Variants in ALK observed in about 807,000 individuals in gnomAD.
The protein encoded by ALK is ALK tyrosine kinase receptor.
A neutral mutation model predicts 163.1 loss-of-function variants in ALK; 74 were observed. The observed-to-expected ratio is 0.45, with a 90% CI of 0.38 to 0.55. The LOEUF is 0.55. Among genes scored for constraint, ALK ranks in the 20% least tolerant of loss-of-function variants. ALK has a pLI of 0.00. For synonymous variants in ALK, 960 were observed against 843.2 expected (o/e 1.14, Z -2.40); for missense variants, 2,063 against 2,105.3 (o/e 0.98, Z 0.39).
At chr2:29,387,591 G>A (rs1669061999) in intron 4 of ALK, among the ~76,000 whole-genome samples, 1 of 152,166 alleles carries the variant, frequency 6.6e-6, no homozygotes, top group Non-Finnish European at 1.5e-5. Flanking sequence ...TTAGCAAAAT[G>A]CAGGCATTGA....
At chr2:29,911,187 C>G (rs1163880758) in intron 1 of ALK, among the ~76,000 whole-genome samples, 1 of 152,224 alleles carries the variant, frequency 6.6e-6, no homozygotes, top group East Asian at 1.9e-4. Context: ...CCAAAGCAAT[C>G]TTTTCTTTCT....
intron 3 of ALK, among the ~76,000 whole-genome samples, chr2:29,612,591 C>G (rs565897269): frequency 9.6e-4 from 146 of 152,280 alleles, no homozygotes; most frequent in African/African-American, 3.5e-3. Flanking sequence ...AATCAATGCT[C>G]CCGAATTCCC....
At chr2:29,225,975 G>A (rs931629665) in intron 18 of ALK, among the ~76,000 whole-genome samples, 1 of 152,132 alleles carries the variant, frequency 6.6e-6, no homozygotes, top group Non-Finnish European at 1.5e-5. Flanking sequence ...GAGGCACTGG[G>A]CTCACAGTGG....
chr2:29,470,682 TG>T (rs1671326838), intron 4 of ALK, among the ~76,000 whole-genome samples: 6 of 60,478 alleles, frequency 9.9e-5, no homozygotes, highest in Admixed American at 7.8e-4. Context: ...ACAAAACAGC[TG>T]AATTTTTTTT....
intron 3 of ALK, among the ~76,000 whole-genome samples, chr2:29,553,952 A>T (rs541735872): frequency 7.2e-5 from 11 of 152,290 alleles, no homozygotes; most frequent in Admixed American, 5.2e-4. Context: ...GCTCTTAATT[A>T]ACCCTTTATC....
intron 1 of ALK, among the ~76,000 whole-genome samples, chr2:29,798,962 A>G (rs1664393857): frequency 6.6e-6 from 1 of 152,176 alleles, no homozygotes; most frequent in African/African-American, 2.4e-5. Context: ...GAGAACTTGG[A>G]TATGCCATTG....
At chr2:29,450,014 A>T (rs1458714294) in intron 4 of ALK, among the ~76,000 whole-genome samples, 1 of 152,180 alleles carries the variant, frequency 6.6e-6, no homozygotes, top group Non-Finnish European at 1.5e-5. Context: ...ACAAAGTGTC[A>T]AAGTTGGAAG....
intron 3 of ALK, among the ~76,000 whole-genome samples, chr2:29,578,847 T>G (rs973971399): frequency 6.6e-5 from 10 of 152,228 alleles, no homozygotes; most frequent in Non-Finnish European, 1.2e-4. Flanking sequence ...AGCCTGGGAC[T>G]GCATCTACCC....
At chr2:29,288,487 G>T (rs948096068) in intron 9 of ALK, among the ~76,000 whole-genome samples, 1 of 152,140 alleles carries the variant, frequency 6.6e-6, no homozygotes, top group Non-Finnish European at 1.5e-5. Context: ...ACCTCTTCAC[G>T]GCTGACAGGG....
chr2:29,526,501 T>C (rs1672963622), intron 4 of ALK, among the ~76,000 whole-genome samples: 1 of 152,194 alleles, frequency 6.6e-6, no homozygotes, highest in Non-Finnish European at 1.5e-5. Context: ...GTAAATCACC[T>C]AGACATTAAA....
chr2:29,284,284 G>A (rs1665791004), intron 9 of ALK, among the ~76,000 whole-genome samples: 1 of 152,090 alleles, frequency 6.6e-6, no homozygotes, highest in South Asian at 2.1e-4. Context: ...AGAGGTAAGG[G>A]TGGAAGTTAT....
intron 4 of ALK, among the ~76,000 whole-genome samples, chr2:29,476,655 C>A (rs1000390358): frequency 1.3e-5 from 2 of 152,004 alleles, no homozygotes; most frequent in East Asian, 3.9e-4. Context: ...TGTGCTTCCC[C>A]GACAAGGCAC....
At chr2:29,744,408 T>C (rs1483339945) in intron 1 of ALK, among the ~76,000 whole-genome samples, 1 of 152,126 alleles carries the variant, frequency 6.6e-6, no homozygotes, top group East Asian at 1.9e-4. Context: ...CTTAAAACAA[T>C]GACAGCATTT....
intron 9 of ALK, among the ~76,000 whole-genome samples, chr2:29,290,617 G>T (rs906074374): frequency 6.6e-6 from 1 of 152,234 alleles, no homozygotes; most frequent in African/African-American, 2.4e-5. Flanking sequence ...TGTGGCTGGG[G>T]TCTCCTGTTG....
chr2:29,335,600 C>T (rs541633686), intron 5 of ALK, among the ~76,000 whole-genome samples: 3 of 152,254 alleles, frequency 2.0e-5, no homozygotes, highest in African/African-American at 4.8e-5. Context: ...GATCCGAGCT[C>T]GAGTTCCTCT....
intron 3 of ALK, among the ~76,000 whole-genome samples, chr2:29,592,462 G>A (rs1211718083): frequency 6.6e-6 from 1 of 152,162 alleles, no homozygotes; most frequent in African/African-American, 2.4e-5. Flanking sequence ...AGCTCTTGGG[G>A]CACAAACTTG....
chr2:29,635,535 T>C (rs917155480), intron 3 of ALK, among the ~76,000 whole-genome samples: 5 of 152,192 alleles, frequency 3.3e-5, no homozygotes, highest in African/African-American at 7.2e-5. Context: ...CCCGAGAGCC[T>C]CTTGAGGGAG....
chr2:29,518,764 G>T (rs1558363379), intron 4 of ALK, among the ~76,000 whole-genome samples: 1 of 152,166 alleles, frequency 6.6e-6, no homozygotes, highest in South Asian at 2.1e-4. Context: ...TATCCTCAAA[G>T]GGAAGACAGA....
intron 1 of ALK, among the ~76,000 whole-genome samples, chr2:29,877,376 A>C (rs1422186455): frequency 6.6e-6 from 1 of 152,110 alleles, no homozygotes; most frequent in Non-Finnish European, 1.5e-5. Context: ...GTAAATGAGC[A>C]CCACTGTCCT....
Sources: gnomAD v4.1 joint callset for allele counts (sites outside exome capture counted in the v4.1 genomes callset) on GRCh38, gnomAD v4.1.1 for gene constraint, MANE v1.5 for transcripts, NCBI Gene and HGNC (gene_info 2026-07-23, HGNC 2026-07-21) for gene names.